The following USP42 variants were observed in gnomAD, a reference collection of about 807,000 sequenced individuals.
USP42 encodes ubiquitin specific peptidase 42, also known as ubiquitin carboxyl-terminal hydrolase 42.
USP42 carries 23 observed loss-of-function variants against 113.0 expected under a neutral mutation model. The ratio of observed to expected loss-of-function variants is 0.20; its 90% confidence interval spans 0.15 to 0.29. USP42 has a LOEUF of 0.29. Ranked by LOEUF, USP42 falls within the 10% of genes least tolerant of loss-of-function variation. The pLI is 1.00. For missense variants in USP42, 2,174 were observed against 1,779.8 expected (o/e 1.22, Z -3.99); for synonymous variants, 933 against 699.0 (o/e 1.33, Z -5.28).
chr7:6,156,904 G>T lies in USP42; in HGVS notation c.3792G>T (p.Leu1264Phe). Reference protein sequence around the residue: ...SELHLPRVTSLETVAQFRRAQ... With the variant: ...SELHLPRVTSFETVAQFRRAQ... Reference sequence around the variant, plus strand: ...TGCACTTACCCAGGGTCACCAGCTTGGAGACTGTCGCCCAGTTCCGGAGAG... The same window carrying T: ...TGCACTTACCCAGGGTCACCAGCTTTGAGACTGTCGCCCAGTTCCGGAGAG... Residue 1264 changes from leucine (L) to phenylalanine (F), a missense_variant, in exon 16 of 18, where the codon TTG becomes TTT. Transcript: ENST00000306177. The T allele has an allele frequency of 6.2e-7, 1 of 1,613,846 alleles. No individual in the cohort carries two copies. Among genetic ancestry groups the T allele is most frequent in the Non-Finnish European group, 8.5e-7 (1 of 1,179,834 alleles).
chr7:6,147,939 T>G, intron 12 of USP42, 47 bp downstream of exon 12: 1 of 1,544,738 alleles, frequency 6.5e-7, no homozygotes, highest in South Asian at 1.2e-5. Context: ...ATTTTTAAAA[T>G]GTAACTTCAA....
chr7:6,083,861 G>T, the USP42 span, among the ~76,000 whole-genome samples: 1 of 150,634 alleles, frequency 6.6e-6, no homozygotes, highest in Non-Finnish European at 1.5e-5. Context: ...GAAACCAAGG[G>T]GACATATTCT....
chr7:6,116,454 C>T, intron 3 of USP42: 2 of 201,040 alleles, frequency 9.9e-6, no homozygotes, highest in Non-Finnish European at 2.0e-5. Context: ...TGTAAATATC[C>T]TTCATTCTTT....
intron 3 of USP42, among the ~76,000 whole-genome samples, chr7:6,130,256 G>A (rs556377382): frequency 2.0e-5 from 3 of 152,366 alleles, no homozygotes; most frequent in African/African-American, 4.8e-5. Flanking sequence ...GTCAGATGGA[G>A]TAGAAGCCCA....
chr7:6,108,671 G>A (rs1779426062), intron 1 of USP42, among the ~76,000 whole-genome samples: 1 of 152,120 alleles, frequency 6.6e-6, no homozygotes, highest in African/African-American at 2.4e-5. Context: ...AGTAGAGACA[G>A]GGTTTCACCA....
intron 1 of USP42, among the ~76,000 whole-genome samples, chr7:6,107,380 A>G (rs1208949018): frequency 6.7e-6 from 1 of 149,668 alleles, no homozygotes; most frequent in East Asian, 1.9e-4. Flanking sequence ...TATTTCTTAC[A>G]ACTCTATTTG....
the USP42 span, among the ~76,000 whole-genome samples, chr7:6,082,603 G>GGT: frequency 5.5e-5 from 5 of 90,196 alleles, no homozygotes; most frequent in Non-Finnish European, 9.9e-5. Flanking sequence ...CTTTCTTTCT[G>GGT]TTTTTTTTTT....
At chr7:6,160,376 C>T (rs1440312722) in intron 17 of USP42, among the ~76,000 whole-genome samples, 179 bp from the exon 18 acceptor site, 1 of 152,060 alleles carries the variant, frequency 6.6e-6, no homozygotes, top group Non-Finnish European at 1.5e-5. Context: ...GCCTCCCTGG[C>T]TGAGCTGCCC....
chr7:6,103,349 C>G (rs1790189823), upstream of USP42, among the ~76,000 whole-genome samples: 1 of 150,462 alleles, frequency 6.6e-6, no homozygotes, highest in African/African-American at 2.5e-5. Flanking sequence ...CCAGCCTGAC[C>G]AACATGGTGA....
rs982483949 is a variant in USP42, at chr7:6,126,191, C to G, written c.443-9650C>G. Among the ~76,000 whole-genome samples, 3 of 152,144 alleles carry G rather than the reference C, an allele frequency of 2.0e-5. No homozygotes were observed. The South Asian group carries it at 6.2e-4, about 31-fold the overall frequency. On this transcript the variant is annotated intron_variant, in intron 3 of 17. Transcript: ENST00000306177. ...AACCTTTTGGAATTGGCTTTTTCACCTAGCATAATTCTCTCAAGATTGATC... is the reference window on the plus strand; with the variant it reads ...AACCTTTTGGAATTGGCTTTTTCACGTAGCATAATTCTCTCAAGATTGATC...
At chr7:6,112,752 G>T (rs1428508404) in intron 2 of USP42, among the ~76,000 whole-genome samples, 1 of 151,940 alleles carries the variant, frequency 6.6e-6, no homozygotes, top group African/African-American at 2.4e-5. Flanking sequence ...AAGCTCATTA[G>T]CTGTCGTTAG....
intron 7 of USP42, among the ~76,000 whole-genome samples, chr7:6,141,996 G>C (rs1781457190): frequency 6.6e-6 from 1 of 152,070 alleles, no homozygotes; most frequent in Non-Finnish European, 1.5e-5. Context: ...GTGCTCTCTG[G>C]GCAGTGTGTG....
At chr7:6,153,693 T>C (rs562096128) in intron 14 of USP42, 63 bp from the exon 15 acceptor site, 1 of 1,405,302 alleles carries the variant, frequency 7.1e-7, no homozygotes, top group South Asian at 1.7e-5. Flanking sequence ...GTCCTTGTAA[T>C]GCAATGACAT....
At chr7:6,093,893 G>T in the USP42 span, among the ~76,000 whole-genome samples, 3 of 150,828 alleles carry the variant, frequency 2.0e-5, no homozygotes, top group East Asian at 1.9e-4. Context: ...CAACTACAAG[G>T]TTATTTTGTT....
At chr7:6,101,924 C>CAA (rs113530488), upstream of USP42, among the ~76,000 whole-genome samples, 1,165 of 134,314 alleles carry the variant, frequency 8.7e-3, 53 homozygotes, top group African/African-American at 0.027. Flanking sequence ...ACTAAAACTA[C>CAA]AAAAAAAAAA....
chr7:6,122,464 T>G (rs755495274), intron 3 of USP42, among the ~76,000 whole-genome samples: 21 of 151,834 alleles, frequency 1.4e-4, no homozygotes, highest in Non-Finnish European at 2.4e-4. Flanking sequence ...TGTTTTGTTT[T>G]TTTGTTTGTT....
In USP42 at chr7:6,154,237, G is replaced by A; in HGVS notation, c.2683G>A (p.Ala895Thr). 1 of 1,605,532 alleles carries A rather than the reference G, an allele frequency of 6.2e-7. No individual in the cohort carries two copies. Among genetic ancestry groups the A allele is most frequent in the Non-Finnish European group, 8.5e-7 (1 of 1,177,926 alleles). Residue 895 changes from alanine (A) to threonine (T), a missense_variant, in exon 15 of 18, where the codon GCC becomes ACC. Physicochemically the swap from Ala to Thr is moderately conservative, Grantham distance 58 (BLOSUM62 0). Transcript: ENST00000306177. ...ATCCCAGAGCTTGGGCGCACCCGAG[G>A]CCGCAGAGCGGCCGCCAGCTCCTGT... Reference protein sequence around the residue: ...DPSQSLGAPEAAERPPAPVLD... With the variant: ...DPSQSLGAPETAERPPAPVLD...
rs772997740 is a variant in USP42 at position 6,147,742 on chromosome 7, C to A, written c.1236C>A (p.Ser412=). ...GTATCGCTCTCCTTGTTTCCAGGTCCCATGATGTGAAAAATGGAGGTGAAC... is the reference window on the plus strand; with the variant it reads ...GTATCGCTCTCCTTGTTTCCAGGTCACATGATGTGAAAAATGGAGGTGAAC... ...QQAYVLFYIR[S]HDVKNGGELT... Residue 412 remains serine, a synonymous_variant, in exon 12 of 18, where the codon TCC becomes TCA. Transcript: ENST00000306177. The A allele has an allele frequency of 2.5e-6, 4 of 1,579,864 alleles. No homozygotes were observed. In the East Asian group the frequency reaches 9.1e-5, roughly 36 times the overall value.
intron 15 of USP42, among the ~76,000 whole-genome samples, chr7:6,155,792 C>G (rs1436771060): frequency 6.6e-6 from 1 of 152,186 alleles, no homozygotes; most frequent in Non-Finnish European, 1.5e-5. Flanking sequence ...TGCTCTGTCA[C>G]CCAGGCTGGA....
Sources: gnomAD v4.1 joint callset for allele counts (sites outside exome capture counted in the v4.1 genomes callset) on GRCh38, gnomAD v4.1.1 for gene constraint, MANE v1.5 for transcripts, NCBI Gene and HGNC (gene_info 2026-07-23, HGNC 2026-07-21) for gene names.